The following ZNRF3 variants were observed in gnomAD, a reference collection of about 807,000 sequenced individuals.
ZNRF3 encodes zinc and ring finger 3, also known as E3 ubiquitin-protein ligase ZNRF3.
In ZNRF3, 23 loss-of-function variants were observed where a neutral mutation model predicts 72.5. The ratio of observed to expected loss-of-function variants is 0.32; its 90% CI spans 0.23 to 0.45. ZNRF3 has a LOEUF of 0.45. Ranked by LOEUF, ZNRF3 falls within the 20% of genes least tolerant of loss-of-function variation. The probability of loss-of-function intolerance (pLI) is 1.00; values close to 1 mark genes in which losing one functional copy is unlikely to be tolerated. For missense variants in ZNRF3, 1,169 were observed against 1,272.1 expected (o/e 0.92, Z 1.23); for synonymous variants, 610 against 545.3 (o/e 1.12, Z -1.65).
In ZNRF3 at chr22:29,049,457, C is replaced by G. The variant is rs1264974187; in HGVS notation, c.1276C>G (p.His426Asp). 6.2e-7 allele frequency: 1 copy of G among 1,605,414 alleles called. No homozygotes were observed. Among genetic ancestry groups the G allele is most frequent in the Non-Finnish European group, 8.5e-7 (1 of 1,179,724 alleles). ...IRSYPPLHLD[H>D]SLAAHRCGLE... ...CAGCTACCCACCCCTCCACCTGGACCACAGCCTGGCCGCTCACCGCTGCGG... is the reference window on the plus strand; with the variant it reads ...CAGCTACCCACCCCTCCACCTGGACGACAGCCTGGCCGCTCACCGCTGCGG... Residue 426 changes from histidine (H) to aspartate (D), a missense_variant, in exon 8 of 9, where the codon CAC becomes GAC. Physicochemically the swap from His to Asp is moderately conservative, Grantham distance 81 (BLOSUM62 -1). Transcript: ENST00000544604. This position sits in a 1 kb window ranked among gnomAD's most constrained non-coding sequence, Gnocchi z 5.2.
Position 29,049,384 on chromosome 22 carries a change from G to A in ZNRF3, c.1203G>A (p.Arg401=), listed in dbSNP as rs777449303. The part of the protein sequence containing the change: ...GNPVTLLTMD[R]HGEQSLYSPQ... Reference sequence around the variant, plus strand: ...CCGTCACCTTGCTGACCATGGACCGGCACGGGGAGCAGAGCCTCTATTCCC... The same window carrying A: ...CCGTCACCTTGCTGACCATGGACCGACACGGGGAGCAGAGCCTCTATTCCC... The change falls in exon 8 of 9, where the codon CGG becomes CGA. Residue 401 remains arginine (R), a synonymous_variant. Coordinates refer to ENST00000544604, the MANE Select transcript of ZNRF3 (RefSeq NM_001206998.2). The surrounding 1 kb of genome is among the most constrained non-coding windows in gnomAD (Gnocchi z 5.2). 1.2e-6 allele frequency: 2 copies of A among 1,612,040 alleles called. No individual in the cohort carries two copies. The highest frequency in any genetic ancestry group is 2.7e-5 in the African/African-American group (2 of 74,878).
chr22:28,900,352 A>T (rs2034080481), intron 1 of ZNRF3, among the ~76,000 whole-genome samples: 2 of 152,316 alleles, frequency 1.3e-5, no homozygotes, highest in African/African-American at 4.8e-5. Context: ...CAGAACTGGG[A>T]TGAGAGGAAG....
At chr22:28,944,552 C>T (rs2035011622) in intron 1 of ZNRF3, among the ~76,000 whole-genome samples, 1 of 151,952 alleles carries the variant, frequency 6.6e-6, no homozygotes, top group South Asian at 2.1e-4. Flanking sequence ...CTCAGGAGTT[C>T]GAGACCAGCC....
intron 2 of ZNRF3, among the ~76,000 whole-genome samples, chr22:29,001,330 T>C (rs949833596): frequency 6.6e-6 from 1 of 151,980 alleles, no homozygotes; most frequent in Non-Finnish European, 1.5e-5. Flanking sequence ...CCTTTTATTA[T>C]TGAGTTTATT....
At chr22:29,046,142 G>A (rs934044048) in intron 5 of ZNRF3, among the ~76,000 whole-genome samples, 3 of 152,194 alleles carry the variant, frequency 2.0e-5, no homozygotes, top group Admixed American at 2.0e-4. Flanking sequence ...GTAGGGGGTG[G>A]TGAGAGGATA....
intron 2 of ZNRF3, among the ~76,000 whole-genome samples, chr22:29,027,665 G>A (rs2036666346): frequency 1.3e-5 from 2 of 152,150 alleles, no homozygotes; most frequent in African/African-American, 2.4e-5. Context: ...AAACTGGGAC[G>A]TCCCTGCATG....
At chr22:28,957,749 C>A (rs993320235) in intron 1 of ZNRF3, among the ~76,000 whole-genome samples, 1 of 151,898 alleles carries the variant, frequency 6.6e-6, no homozygotes, top group African/African-American at 2.4e-5. Flanking sequence ...AATGACTGTT[C>A]TTTTTGAGAC....
chr22:28,937,371 T>G (rs1356560382), intron 1 of ZNRF3, among the ~76,000 whole-genome samples: 1 of 151,614 alleles, frequency 6.6e-6, no homozygotes, highest in Non-Finnish European at 1.5e-5. Context: ...CAGGTCAGTG[T>G]GAGCTTGAAC....
At chr22:29,020,419 C>A (rs956485227) in intron 2 of ZNRF3, among the ~76,000 whole-genome samples, 5 of 151,754 alleles carry the variant, frequency 3.3e-5, no homozygotes, top group Non-Finnish European at 1.5e-5. Context: ...TGCCACCATG[C>A]CCAGCTGATT....
intron 1 of ZNRF3, among the ~76,000 whole-genome samples, chr22:28,914,495 C>CTTTTTTT (rs132544): frequency 7.9e-6 from 1 of 125,974 alleles, no homozygotes; most frequent in African/African-American, 3.0e-5. Context: ...TGACATAGAG[C>CTTTTTTT]TTTTTTTTTT....
At chr22:28,966,611 T>G (rs1254052570) in intron 1 of ZNRF3, among the ~76,000 whole-genome samples, 1 of 151,924 alleles carries the variant, frequency 6.6e-6, no homozygotes, top group Non-Finnish European at 1.5e-5. Context: ...GTCTTAATTT[T>G]TAACAAAAAA....
At chr22:28,902,847 C>T (rs2123754212) in intron 1 of ZNRF3, among the ~76,000 whole-genome samples, 1 of 152,324 alleles carries the variant, frequency 6.6e-6, no homozygotes, top group African/African-American at 2.4e-5. Context: ...TTTCATGCTG[C>T]TCCTCACATA....
chr22:28,957,113 C>G (rs2035275575), intron 1 of ZNRF3, among the ~76,000 whole-genome samples: 1 of 152,064 alleles, frequency 6.6e-6, no homozygotes, highest in Non-Finnish European at 1.5e-5. Flanking sequence ...CACAGAGCAT[C>G]TCTGAGTCTG....
chr22:28,887,235 A>AGTGT lies in ZNRF3; in HGVS notation c.300+3202_300+3205dup, dbSNP rs1179478685. On this transcript the variant is annotated intron_variant, in intron 1 of 8. Coordinates refer to ENST00000544604, the MANE Select transcript of ZNRF3 (RefSeq NM_001206998.2). ...TATGCCAACGAAGAGAGAGAGAGAG[A>AGTGT]GTGTGTGTGTGTGTGTGTGTGTGTG... 7.5e-3 allele frequency among the ~76,000 whole-genome samples: 700 copies of AGTGT among 93,154 alleles called. 4 individuals are homozygous for AGTGT. Among genetic ancestry groups the AGTGT allele is most frequent in the African/African-American group, 0.012 (313 of 25,300 alleles). The allele number at this position is 93,154 out of a possible 152,430, so 61.1% of individuals were successfully genotyped here. A position where few individuals can be genotyped will look rare whatever the true frequency, so the allele number is the denominator to read the frequency against.
chr22:28,890,552 G>A (rs1004534138), intron 1 of ZNRF3, among the ~76,000 whole-genome samples: 15 of 152,096 alleles, frequency 9.9e-5, no homozygotes, highest in Admixed American at 8.5e-4. Context: ...TTCCAAGGCA[G>A]GGTACCTGGC....
chr22:29,020,249 CT>C (rs756716817), intron 2 of ZNRF3, among the ~76,000 whole-genome samples: 2,914 of 91,690 alleles, frequency 0.032, 46 homozygotes, highest in East Asian at 0.084. Flanking sequence ...CACAACCATC[CT>C]TTTTTTTTTT....
intron 1 of ZNRF3, among the ~76,000 whole-genome samples, chr22:28,903,775 G>T (rs369573645): frequency 1.3e-5 from 2 of 152,146 alleles, no homozygotes; most frequent in South Asian, 2.1e-4. Context: ...CAAGGCCAAA[G>T]AAAGGATTTG....
At chr22:28,944,800 C>T (rs2035019164) in intron 1 of ZNRF3, among the ~76,000 whole-genome samples, 1 of 151,078 alleles carries the variant, frequency 6.6e-6, no homozygotes, top group African/African-American at 2.4e-5. Flanking sequence ...GTGGCACACA[C>T]CTGTAGTCCC....
At chr22:28,911,270 A>G (rs891318805) in intron 1 of ZNRF3, among the ~76,000 whole-genome samples, 2 of 152,188 alleles carry the variant, frequency 1.3e-5, no homozygotes, top group Admixed American at 6.5e-5. Context: ...TTTGAATGCC[A>G]GAAAAGGGTA....
Sources: gnomAD v4.1 joint callset for allele counts (sites outside exome capture counted in the v4.1 genomes callset) on GRCh38, gnomAD v4.1.1 for gene constraint, Gnocchi (gnomAD v3.1) non-coding constraint, MANE v1.5 for transcripts, NCBI Gene and HGNC (gene_info 2026-07-23, HGNC 2026-07-21) for gene names.